TENM3: variants seen among roughly 807,000 people sequenced by gnomAD.
TENM3 encodes teneurin-3.
Under a neutral mutation model 255.1 loss-of-function variants are expected in TENM3, and 63 were observed. The ratio of observed to expected loss-of-function variants is 0.25; its 90% CI spans 0.20 to 0.30. TENM3 has a LOEUF of 0.30. Among genes scored for constraint, TENM3 ranks in the 10% least tolerant of loss-of-function variants. TENM3 has a pLI of 1.00. For missense variants in TENM3, 2,929 were observed against 3,461.1 expected, an observed-to-expected ratio of 0.85 and a Z score of 3.86; for synonymous variants, 1,306 against 1,322.3, an observed-to-expected ratio of 0.99 and a Z score of 0.27.
chr4:182,256,761 A>G (rs962371266), intron 1 of TENM3, among the ~76,000 whole-genome samples: 3 of 152,210 alleles, frequency 2.0e-5, no homozygotes, highest in African/African-American at 4.8e-5. Flanking sequence ...ACTATATAGA[A>G]CAAGATTTTA....
chr4:182,612,120 A>AAG (rs1749053624), intron 4 of TENM3, among the ~76,000 whole-genome samples: 1 of 151,944 alleles, frequency 6.6e-6, no homozygotes, highest in Admixed American at 6.6e-5. Flanking sequence ...ATACAAAAAA[A>AAG]AATTAGCCGG....
chr4:181,818,222 T>A, the TENM3 span, among the ~76,000 whole-genome samples: 1 of 152,224 alleles, frequency 6.6e-6, no homozygotes, highest in Non-Finnish European at 1.5e-5. Context: ...CTATTCTAGG[T>A]GTTACCATGA....
intron 3 of TENM3, among the ~76,000 whole-genome samples, chr4:182,427,496 T>C (rs1352128390): frequency 6.6e-6 from 1 of 152,146 alleles, no homozygotes; most frequent in African/African-American, 2.4e-5. Flanking sequence ...AGGCTGCGGT[T>C]ATATGCATTT....
the TENM3 span, among the ~76,000 whole-genome samples, chr4:181,459,041 C>T: frequency 5.9e-5 from 9 of 151,776 alleles, no homozygotes; most frequent in African/African-American, 1.5e-4. Context: ...TTTTTATTTG[C>T]GCCACATTTT....
chr4:182,446,393 A>C (rs1449901539), intron 3 of TENM3, among the ~76,000 whole-genome samples: 2 of 152,224 alleles, frequency 1.3e-5, no homozygotes, highest in African/African-American at 4.8e-5. Context: ...TCAATCAGTG[A>C]CCAATTTACA....
intron 1 of TENM3, among the ~76,000 whole-genome samples, chr4:182,150,201 G>GGAGGAAGGGAGGAAGAAAGGAAAA (rs1750242174): frequency 1.3e-5 from 2 of 151,430 alleles, no homozygotes; most frequent in African/African-American, 4.9e-5. Context: ...GATAAGGGAA[G>GGAGGAAGGGAGGAAGAAAGGAAAA]GAGGAAGGGA....
intron 3 of TENM3, among the ~76,000 whole-genome samples, chr4:182,587,761 T>C (rs993579578): frequency 1.6e-4 from 24 of 152,308 alleles, no homozygotes; most frequent in African/African-American, 5.1e-4. Context: ...ACATAGTTAT[T>C]TTTACAATTT....
intron 5 of TENM3, among the ~76,000 whole-genome samples, chr4:182,651,203 G>A (rs1000332147): frequency 1.3e-5 from 2 of 151,964 alleles, no homozygotes; most frequent in Non-Finnish European, 2.9e-5. Context: ...TTTACTCTAT[G>A]CAAAACTAAG....
intron 1 of TENM3, among the ~76,000 whole-genome samples, chr4:182,322,503 A>T (rs1763117258): frequency 6.6e-6 from 1 of 152,186 alleles, no homozygotes; most frequent in Non-Finnish European, 1.5e-5. Context: ...CTTGTAGCTG[A>T]TGGAAGGCAA....
At chr4:181,762,293 G>A in the TENM3 span, among the ~76,000 whole-genome samples, 2 of 152,270 alleles carry the variant, frequency 1.3e-5, no homozygotes, top group South Asian at 4.1e-4. Flanking sequence ...TCACTGCCAA[G>A]CATGTACTAG....
chr4:182,545,499 C>G (rs1003052655), intron 3 of TENM3, among the ~76,000 whole-genome samples: 2 of 152,090 alleles, frequency 1.3e-5, no homozygotes, highest in South Asian at 2.1e-4. Flanking sequence ...TCTCAGTTCT[C>G]TCTTGCGCAG....
At chr4:182,550,042 G>T (rs982742728) in intron 3 of TENM3, among the ~76,000 whole-genome samples, 1 of 152,102 alleles carries the variant, frequency 6.6e-6, no homozygotes, top group Admixed American at 6.6e-5. Flanking sequence ...ATAATTGAAG[G>T]TCTAATAAAA....
the TENM3 span, among the ~76,000 whole-genome samples, chr4:182,011,699 G>A: frequency 6.6e-6 from 1 of 152,148 alleles, no homozygotes; most frequent in East Asian, 1.9e-4. Context: ...TTCCAAAAAG[G>A]GTCGAATACT....
chr4:181,734,241 G>A, the TENM3 span, among the ~76,000 whole-genome samples: 1 of 151,804 alleles, frequency 6.6e-6, no homozygotes, highest in Non-Finnish European at 1.5e-5. Context: ...TGAGGTCTTA[G>A]GTAACACCTA....
the TENM3 span, among the ~76,000 whole-genome samples, chr4:181,757,510 G>C: frequency 1.3e-5 from 2 of 152,148 alleles, no homozygotes; most frequent in African/African-American, 4.8e-5. Context: ...AAATGTAATA[G>C]AAACCAGGAA....
intron 24 of TENM3, among the ~76,000 whole-genome samples, chr4:182,784,298 T>C (rs1765429396): frequency 6.6e-6 from 1 of 152,032 alleles, no homozygotes; most frequent in Non-Finnish European, 1.5e-5. Flanking sequence ...TGCAGGTCTG[T>C]TGGAATACCC....
At position 182,314,025 on chromosome 4, in the gene TENM3, C is replaced by T. The variant is rs548103425; in HGVS notation, c.-75-9921C>T. Among the ~76,000 whole-genome samples, 10 of 152,138 alleles carry T rather than the reference C, an allele frequency of 6.6e-5. No homozygotes were observed. The East Asian group carries it at 1.5e-3, about 24-fold the overall frequency. On this transcript the variant is annotated intron_variant, in intron 1 of 27. Coordinates refer to ENST00000511685, the MANE Select transcript of TENM3 (RefSeq NM_001080477.4). Reference sequence around the variant, plus strand: ...TCCTTTCTCAGATTAAAAGAGGGCACGGGCTGGCTGGGCGTGGTGGCTCAT... The same window carrying T: ...TCCTTTCTCAGATTAAAAGAGGGCATGGGCTGGCTGGGCGTGGTGGCTCAT...
At chr4:182,160,229 C>G (rs542590599) in intron 1 of TENM3, among the ~76,000 whole-genome samples, 98 of 151,806 alleles carry the variant, frequency 6.5e-4, no homozygotes, top group African/African-American at 1.9e-3. Context: ...GTCTCGATCT[C>G]CTGACCTCGT....
the TENM3 span, among the ~76,000 whole-genome samples, chr4:181,627,368 G>T: frequency 2.0e-5 from 3 of 152,028 alleles, no homozygotes; most frequent in African/African-American, 7.2e-5. Flanking sequence ...TAAGTTCTAG[G>T]GTACATGTGC....
Sources: allele counts gnomAD v4.1 joint callset (sites outside exome capture counted in the v4.1 genomes callset), GRCh38; gene constraint gnomAD v4.1.1; transcripts MANE v1.5; gene names NCBI Gene and HGNC (gene_info 2026-07-23, HGNC 2026-07-21).